ADCY9: variants seen among roughly 807,000 people sequenced by gnomAD.
The protein encoded by ADCY9 is adenylate cyclase 9, also known as adenylate cyclase type 9.
ADCY9 carries 50 observed loss-of-function variants against 101.5 expected under a neutral mutation model. The observed-to-expected ratio is 0.49, with a 90% CI of 0.39 to 0.62. The LOEUF is 0.62. Among genes scored for constraint, ADCY9 ranks in the 20% least tolerant of loss-of-function variants. ADCY9 has a pLI of 0.00. For missense variants in ADCY9, 1,662 were observed against 1,800.4 expected (o/e 0.92, Z 1.39); for synonymous variants, 905 against 769.3 (o/e 1.18, Z -2.92).
chr16:4,042,353 C>T (rs1322913086), intron 2 of ADCY9, among the ~76,000 whole-genome samples: 6 of 152,164 alleles, frequency 3.9e-5, no homozygotes, highest in Admixed American at 1.3e-4. Flanking sequence ...TGTGAACCAG[C>T]ATGTCTGGCC....
At chr16:4,022,779 G>A (rs1228835777) in intron 2 of ADCY9, among the ~76,000 whole-genome samples, 2 of 152,140 alleles carry the variant, frequency 1.3e-5, no homozygotes, top group African/African-American at 4.8e-5. Context: ...GGGTATCAGA[G>A]TAAGACCCTG....
intron 2 of ADCY9, among the ~76,000 whole-genome samples, chr16:4,079,509 C>T (rs1306455923): frequency 6.6e-6 from 1 of 152,114 alleles, no homozygotes; most frequent in African/African-American, 2.4e-5. Context: ...GCAGAGGTTG[C>T]AGTGAGCCGA....
intron 2 of ADCY9, among the ~76,000 whole-genome samples, chr16:4,047,388 A>G (rs1475572154): frequency 1.3e-5 from 2 of 152,242 alleles, no homozygotes; most frequent in East Asian, 3.9e-4. Flanking sequence ...AAATATTAGA[A>G]TTTATAAAGT....
Position 3,966,607 on chromosome 16 carries a change from C to CCCTCGTAGTTCT in ADCY9, c.3218_3229dup (p.Glu1073_Glu1076dup). 1 of 1,614,200 alleles carries CCCTCGTAGTTCT rather than the reference C, an allele frequency of 6.2e-7. No individual in the cohort carries two copies. The highest frequency in any genetic ancestry group is 8.5e-7 in the Non-Finnish European group (1 of 1,180,038). On this transcript the variant is annotated inframe_insertion, in exon 11 of 11. Transcript: ENST00000294016. The stretch of plus-strand genomic sequence containing the variant: ...GAGGACCCGGTAGCACTCCTTGCCG[C>CCCTCGTAGTTCT]CCTCGTAGTTCTCCTCGTAGAACTC...
Position 4,113,776 on chromosome 16 carries a change from T to C in ADCY9, c.1667A>G (p.Gln556Arg), listed in dbSNP as rs1460578914. 1 of 1,613,554 alleles carries C rather than the reference T, an allele frequency of 6.2e-7. No homozygotes were observed. Among genetic ancestry groups the C allele is most frequent in the Non-Finnish European group, 8.5e-7 (1 of 1,179,564 alleles). ...EDGKVIERLGQSVVADQLKGL... is the reference protein window; with the variant it reads ...EDGKVIERLGRSVVADQLKGL... ...TTTCAACTGGTCAGCAACCACGCTC[T>C]GGCCCAGCCGTTCAATAACTTTCCC... The change falls in exon 2 of 11, where the codon CAG (glutamine) becomes CGG (arginine). Residue 556 changes from glutamine (Q) to arginine (R), a missense_variant. Gln to Arg is a conservative substitution (Grantham distance 43, BLOSUM62 1). Transcript: ENST00000294016.
At chr16:4,059,884 G>T (rs1232003159) in intron 2 of ADCY9, among the ~76,000 whole-genome samples, 1 of 152,138 alleles carries the variant, frequency 6.6e-6, no homozygotes, top group Admixed American at 6.6e-5. Context: ...AGTGACAGAG[G>T]AAGGCCTCAT....
At chr16:4,109,246 T>C (rs1187489865) in intron 2 of ADCY9, among the ~76,000 whole-genome samples, 1 of 152,150 alleles carries the variant, frequency 6.6e-6, no homozygotes, top group Non-Finnish European at 1.5e-5. Flanking sequence ...TTTTGTTTCT[T>C]AGAGACAGGG....
intron 10 of ADCY9, 108 bp downstream of exon 10, chr16:3,974,561 A>G (rs978140543): frequency 2.3e-6 from 2 of 869,320 alleles, no homozygotes; most frequent in African/African-American, 1.7e-5. Flanking sequence ...GAATGCACGT[A>G]TTGTTCCTTT....
At chr16:4,059,192 C>G (rs539394133) in intron 2 of ADCY9, among the ~76,000 whole-genome samples, 1 of 151,604 alleles carries the variant, frequency 6.6e-6, no homozygotes, top group Non-Finnish European at 1.5e-5. Context: ...TCGAGACCAG[C>G]CTGGCCAACA....
chr16:3,971,221 C>T (rs1013007247), intron 10 of ADCY9, among the ~76,000 whole-genome samples: 1 of 152,108 alleles, frequency 6.6e-6, no homozygotes, highest in African/African-American at 2.4e-5. Flanking sequence ...TCACCACTCA[C>T]TGCTGGAGGA....
chr16:3,979,191 G>A lies in ADCY9; in HGVS notation c.2604C>T (p.Ile868=), dbSNP rs576373738. The change falls in exon 8 of 11, where the codon ATC becomes ATT. Residue 868 remains isoleucine (I), a synonymous_variant. Transcript: ENST00000294016. Reference sequence around the variant, plus strand: ...CGGGAAGCGACACCAGGATGGCCCCGATGCAGTGACGTGGTAGCCAGCCGG... The same window carrying A: ...CGGGAAGCGACACCAGGATGGCCCCAATGCAGTGACGTGGTAGCCAGCCGG... ...WIAGWLPRHC[I]GAILVSLPAL... is the part of the protein sequence containing the mutation. The A allele has an allele frequency of 3.7e-6, 6 of 1,614,104 alleles. No individual in the cohort carries two copies. Among genetic ancestry groups the A allele is most frequent in the African/African-American group, 2.7e-5 (2 of 75,056 alleles).
In ADCY9 at chr16:4,116,051, G is replaced by C. The variant is rs897752393; in HGVS notation, c.-405C>G. The C allele has an allele frequency of 4.1e-5, 6 of 145,390 alleles. No homozygotes were observed. The highest frequency in any genetic ancestry group is 9.9e-5 in the African/African-American group (4 of 40,558). The allele number at this position is 145,390 out of a possible 1,614,324, so 9.0% of individuals were successfully genotyped here. ...GCTCCCCGGCCGCCCCCCGCGCTCC[G>C]GGCCGGCCCTGCCCGCGGCGGCGGG... On this transcript the variant is annotated 5_prime_UTR_variant, in exon 1 of 11. Transcript: ENST00000294016.
At chr16:3,970,086 C>T (rs772545315) in intron 10 of ADCY9, among the ~76,000 whole-genome samples, 39 of 152,114 alleles carry the variant, frequency 2.6e-4, no homozygotes, top group Middle Eastern at 3.2e-3. Flanking sequence ...GCATTCCTCC[C>T]GCGCACAGAG....
At position 4,115,217 on chromosome 16, in the gene ADCY9, G is replaced by A; in HGVS notation, c.226C>T (p.Gln76Ter). ...TCGAACAGCTGGGGCAGCTTCTTCT[G>A]CCTGCGCAGCCGGCCTCCGCCGCCC... ...RVGGGGRLRR[Q>*]KKLPQLFERA... The change falls in exon 2 of 11, where the codon CAG becomes TAG. Residue 76 changes from glutamine to a stop codon, truncating the protein, a stop_gained. Coordinates refer to ENST00000294016, the MANE Select transcript of ADCY9 (RefSeq NM_001116.4). LOFTEE classifies it high-confidence loss of function. The surrounding 1 kb of genome is among the most constrained non-coding windows in gnomAD (Gnocchi z 6.2). 6.2e-7 allele frequency: 1 copy of A among 1,613,156 alleles called. No individual in the cohort carries two copies. Among genetic ancestry groups the A allele is most frequent in the Non-Finnish European group, 8.5e-7 (1 of 1,179,674 alleles).
intron 2 of ADCY9, among the ~76,000 whole-genome samples, chr16:4,063,039 G>C (rs2056781530): frequency 6.6e-6 from 1 of 152,138 alleles, no homozygotes; most frequent in Non-Finnish European, 1.5e-5. Context: ...ACAACAAATA[G>C]AATATATATT....
intron 2 of ADCY9, among the ~76,000 whole-genome samples, chr16:4,060,435 C>G (rs1039822974): frequency 6.6e-6 from 1 of 152,136 alleles, no homozygotes; most frequent in African/African-American, 2.4e-5. Context: ...AAGGAAAAAC[C>G]AAGACAGGCT....
intron 3 of ADCY9, among the ~76,000 whole-genome samples, chr16:3,995,072 ACT>A (rs1333009385): frequency 1.3e-5 from 2 of 152,250 alleles, no homozygotes; most frequent in East Asian, 3.9e-4. Context: ...TAGTTTGGAG[ACT>A]CTGTTCAAAT....
At chr16:3,983,619 G>A (rs1373460469) in intron 6 of ADCY9, 179 bp from the exon 7 acceptor site, 1 of 608,600 alleles carries the variant, frequency 1.6e-6, no homozygotes, top group Non-Finnish European at 2.9e-6. Flanking sequence ...GGGAGTCCAA[G>A]GCACAGAGAA....
chr16:3,953,417 T>G (rs2055891904), exon 6 of ADCY9: 1 of 152,202 alleles, frequency 6.6e-6, no homozygotes, highest in Admixed American at 6.5e-5. Flanking sequence ...TAAGCAGTTT[T>G]TAATTTTTTC....
Sources: allele counts gnomAD v4.1 joint callset (sites outside exome capture counted in the v4.1 genomes callset), GRCh38; gene constraint gnomAD v4.1.1; non-coding constraint Gnocchi (gnomAD v3.1); transcripts MANE v1.5; gene names NCBI Gene and HGNC (gene_info 2026-07-23, HGNC 2026-07-21).